Variants in DGKB observed in about 807,000 individuals in gnomAD.
DGKB encodes 90 kDa diacylglycerol kinase.
A neutral mutation model predicts 114.3 loss-of-function variants in DGKB; 67 were observed. The ratio of observed to expected loss-of-function variants is 0.59; its 90% CI spans 0.48 to 0.72. The LOEUF is 0.72. Among genes scored for constraint, DGKB ranks in the 30% least tolerant of loss-of-function variants. The pLI is 0.00. For missense variants in DGKB, 907 were observed against 975.2 expected (o/e 0.93, Z 0.93); for synonymous variants, 398 against 323.1 (o/e 1.23, Z -2.49).
At chr7:14,250,011 G>C (rs1205953694) in intron 23 of DGKB, among the ~76,000 whole-genome samples, 1 of 151,670 alleles carries the variant, frequency 6.6e-6, no homozygotes. Context: ...CTGGAGTGCA[G>C]TCGTGCAATC....
At chr7:14,499,174 C>A (rs932533764) in intron 20 of DGKB, among the ~76,000 whole-genome samples, 4 of 151,538 alleles carry the variant, frequency 2.6e-5, no homozygotes, top group African/African-American at 9.7e-5. Flanking sequence ...TAAAATGTAG[C>A]AAATAGTCCC....
intron 23 of DGKB, among the ~76,000 whole-genome samples, chr7:14,309,701 G>C (rs1805052403): frequency 6.6e-6 from 1 of 152,164 alleles, no homozygotes; most frequent in Non-Finnish European, 1.5e-5. Context: ...TTTCTTATAG[G>C]ATAATTCTTG....
At chr7:14,173,779 T>C (rs1276840876) in intron 25 of DGKB, among the ~76,000 whole-genome samples, 1 of 152,182 alleles carries the variant, frequency 6.6e-6, no homozygotes, top group Non-Finnish European at 1.5e-5. Context: ...AAGTAGAGTA[T>C]GCCAGAATGT....
intron 21 of DGKB, among the ~76,000 whole-genome samples, chr7:14,436,870 A>G (rs1829360476): frequency 6.6e-6 from 1 of 152,156 alleles, no homozygotes; most frequent in Non-Finnish European, 1.5e-5. Flanking sequence ...AATCATCCTC[A>G]AAAATATTTT....
intron 21 of DGKB, among the ~76,000 whole-genome samples, chr7:14,462,443 C>T (rs1833221991): frequency 1.3e-5 from 2 of 152,154 alleles, no homozygotes; most frequent in South Asian, 4.1e-4. Flanking sequence ...AAATCACAAG[C>T]ATTCCTATAC....
At chr7:14,648,608 G>T (rs914532671) in intron 13 of DGKB, among the ~76,000 whole-genome samples, 8 of 152,172 alleles carry the variant, frequency 5.3e-5, no homozygotes. Context: ...CCAAAGGAAT[G>T]CAGTTCCTCA....
intron 20 of DGKB, among the ~76,000 whole-genome samples, chr7:14,564,529 GGAA>G (rs1015416871): frequency 6.6e-6 from 1 of 152,054 alleles, no homozygotes; most frequent in African/African-American, 2.4e-5. Context: ...GTTTGTCAGG[GGAA>G]GAAGATGTAG....
chr7:14,236,668 C>T (rs1380885568), intron 23 of DGKB, among the ~76,000 whole-genome samples: 7 of 151,786 alleles, frequency 4.6e-5, no homozygotes, highest in Admixed American at 3.3e-4. Flanking sequence ...AATTTTTTCC[C>T]CCTATGAATT....
chr7:14,445,579 G>A (rs1467199388), intron 21 of DGKB, among the ~76,000 whole-genome samples: 2 of 151,894 alleles, frequency 1.3e-5, no homozygotes, highest in Admixed American at 6.6e-5. Flanking sequence ...TAACACGAAG[G>A]TAAAATGCAT....
intron 1 of DGKB, among the ~76,000 whole-genome samples, chr7:14,854,956 A>G (rs1272046033): frequency 2.0e-5 from 3 of 152,232 alleles, no homozygotes; most frequent in Admixed American, 1.3e-4. Context: ...GAATAATTGC[A>G]TGATGAGATG....
intron 20 of DGKB, among the ~76,000 whole-genome samples, chr7:14,523,241 T>A (rs896412774): frequency 6.6e-5 from 10 of 152,222 alleles, no homozygotes; most frequent in Non-Finnish European, 8.8e-5. Flanking sequence ...ATAATTTATC[T>A]AAAAACCACT....
chr7:14,869,541 A>G (rs1450093369), intron 1 of DGKB, among the ~76,000 whole-genome samples: 6 of 152,184 alleles, frequency 3.9e-5, no homozygotes, highest in Non-Finnish European at 8.8e-5. Flanking sequence ...TCTTGAAAAA[A>G]TAAAATAATT....
chr7:14,383,492 T>G (rs1425618229), intron 21 of DGKB, among the ~76,000 whole-genome samples: 3 of 152,170 alleles, frequency 2.0e-5, no homozygotes, highest in African/African-American at 7.2e-5. Context: ...AGGAAGTGTG[T>G]AGTCTTATGT....
intron 13 of DGKB, among the ~76,000 whole-genome samples, chr7:14,636,245 G>A (rs571603707): frequency 5.3e-5 from 8 of 151,670 alleles, no homozygotes; most frequent in Non-Finnish European, 8.9e-5. Context: ...AACAATATCA[G>A]TTCTGAGTTA....
intron 1 of DGKB, among the ~76,000 whole-genome samples, chr7:14,952,818 C>T (rs907331474): frequency 1.8e-4 from 28 of 151,906 alleles, no homozygotes; most frequent in African/African-American, 5.6e-4. Flanking sequence ...GATTTCAAAA[C>T]TTACCACAAA....
chr7:14,342,997 G>C (rs980326473), intron 22 of DGKB, among the ~76,000 whole-genome samples: 4 of 151,650 alleles, frequency 2.6e-5, no homozygotes, highest in African/African-American at 9.7e-5. Context: ...ATAATTTTAG[G>C]ACAAATAGGA....
At chr7:14,551,473 C>T (rs1015718698) in intron 20 of DGKB, among the ~76,000 whole-genome samples, 1 of 152,176 alleles carries the variant, frequency 6.6e-6, no homozygotes, top group Non-Finnish European at 1.5e-5. Flanking sequence ...TCTCGCAGTG[C>T]TGACTTCTGT....
chr7:14,887,973 T>C (rs1780577560), intron 1 of DGKB, among the ~76,000 whole-genome samples: 1 of 151,808 alleles, frequency 6.6e-6, no homozygotes, highest in African/African-American at 2.4e-5. Context: ...ATTACCATTG[T>C]TTTCCCAATA....
chr7:14,967,715 C>G (rs965386323), intron 1 of DGKB, among the ~76,000 whole-genome samples: 2 of 147,086 alleles, frequency 1.4e-5, no homozygotes, highest in African/African-American at 2.5e-5. Context: ...TTTTTTTGGC[C>G]TAATTTTATA....
Sources: allele counts gnomAD v4.1 joint callset (sites outside exome capture counted in the v4.1 genomes callset), GRCh38; gene constraint gnomAD v4.1.1; transcripts MANE v1.5; gene names NCBI Gene and HGNC (gene_info 2026-07-23, HGNC 2026-07-21).